The following ZNF646 variants were observed in gnomAD, a reference collection of about 807,000 sequenced individuals.
ZNF646 encodes zinc finger protein 646.
In ZNF646, 49 loss-of-function variants were observed where a neutral mutation model predicts 115.4. That is an observed-to-expected ratio of 0.42 (90% confidence interval 0.34 to 0.54). The LOEUF (loss-of-function observed/expected upper bound fraction) is 0.54, where lower values mean the gene tolerates loss of function less well. Ranked by LOEUF, ZNF646 falls within the 20% of genes least tolerant of loss-of-function variation. The pLI is 0.04. For synonymous variants in ZNF646, 933 were observed against 939.0 expected (o/e 0.99, Z 0.12); for missense variants, 2,269 against 2,457.9 (o/e 0.92, Z 1.62).
rs750674925 is a variant in ZNF646, at chr16:31,077,345, A to G, written c.1021A>G (p.Ser341Gly). ...PTTNGHTDES[S>G]QDQLPSAQML... The stretch of plus-strand genomic sequence containing the variant: ...CACCAATGGGCACACAGATGAGAGC[A>G]GCCAGGACCAGCTCCCCAGTGCACA... Residue 341 changes from serine to glycine, a missense_variant, in exon 2 of 3, where the codon AGC becomes GGC. Ser to Gly is a moderately conservative substitution (Grantham distance 56, BLOSUM62 0). Transcript: ENST00000300850. The G allele has an allele frequency of 1.9e-6, 3 of 1,612,988 alleles. No homozygotes were observed. Among genetic ancestry groups the G allele is most frequent in the Admixed American group, 1.7e-5 (1 of 59,904 alleles).
rs148476207 is a variant in ZNF646, at chr16:31,076,341, C to G, written c.17C>G (p.Pro6Arg). ...CGTTGCCCCATGGAGGACACACCCC[C>G]CTCACTCAGCTGCTCCGACTGTCAG... MEDTP[P>R]SLSCSDCQRH... The change falls in exon 2 of 3, where the codon CCC (proline) becomes CGC (arginine). Residue 6 changes from proline to arginine, a missense_variant. Pro to Arg is a moderately radical substitution (Grantham distance 103, BLOSUM62 -2). Coordinates refer to ENST00000300850, the MANE Select transcript of ZNF646 (RefSeq NM_014699.4). 4.6e-5 allele frequency: 74 copies of G among 1,611,534 alleles called. No individual in the cohort carries two copies. Among genetic ancestry groups the G allele is most frequent in the Non-Finnish European group, 5.9e-5 (69 of 1,178,342 alleles).
chr16:31,078,490 C>T lies in ZNF646; in HGVS notation c.2166C>T (p.Asn722=). 1 of 1,589,400 alleles carries T rather than the reference C, an allele frequency of 6.3e-7. No homozygotes were observed. The highest frequency in any genetic ancestry group is 8.6e-7 in the Non-Finnish European group (1 of 1,165,122). Residue 722 remains asparagine, a synonymous_variant, in exon 2 of 3, where the codon AAC becomes AAT. Coordinates refer to ENST00000300850, the MANE Select transcript of ZNF646 (RefSeq NM_014699.4). ...AAAGTCCTCATGGGGCTGAAGGCAA[C>T]CTGGAAAGTGATGGGGACTGTTTGC... ...SGESPHGAEG[N]LESDGDCLQA...
rs1163513596 is a variant in ZNF646, at chr16:31,080,645, CAG to C, written c.4324_4325del (p.Ser1442ProfsTer33). ...DGVPRPGERSQSPIRAASSEA... is the reference protein window; with the variant it reads ...DGVPRPGERSXSPIRAASSEA... ...AGTCCCAAGGCCAGGGGAGCGCAGT[CAG>C]AGCCCCATCAGGGCAGCAAGCTCAG... On this transcript the variant is annotated frameshift_variant, in exon 2 of 3. Coordinates refer to ENST00000300850, the MANE Select transcript of ZNF646 (RefSeq NM_014699.4). LOFTEE classifies it high-confidence loss of function. The C allele has an allele frequency of 6.2e-7, 1 of 1,614,024 alleles. No homozygotes were observed. The highest frequency in any genetic ancestry group is 8.5e-7 in the Non-Finnish European group (1 of 1,180,020).
rs759956972 is a variant in ZNF646 at position 31,080,198 on chromosome 16, G to A, written c.3874G>A (p.Ala1292Thr). The change falls in exon 2 of 3, where the codon GCG (alanine) becomes ACG (threonine). Residue 1292 changes from alanine to threonine, a missense_variant. Physicochemically the swap from Ala to Thr is moderately conservative, Grantham distance 58 (BLOSUM62 0). This residue lies in a region of ZNF646 where 1,062 missense variants were observed against 1,172.8 expected (regional missense o/e 0.91). Transcript: ENST00000300850. ...ERRGGGGTRK[A>T]TREDRPFRCG... ...GCGTGGGGGTGGGGGCACCCGAAAG[G>A]CGACTCGGGAAGATCGGCCCTTCCG... is the stretch of plus-strand genomic sequence containing the variant. 1 of 1,609,200 alleles carries A rather than the reference G, an allele frequency of 6.2e-7. No individual in the cohort carries two copies. The highest frequency in any genetic ancestry group is 1.3e-5 in the African/African-American group (1 of 74,772).
chr16:31,079,321 C>T lies in ZNF646; in HGVS notation c.2997C>T (p.Ala999=). 1 of 1,612,956 alleles carries T rather than the reference C, an allele frequency of 6.2e-7. No homozygotes were observed. Among genetic ancestry groups the T allele is most frequent in the Non-Finnish European group, 8.5e-7 (1 of 1,179,256 alleles). ...APSPLGVAGD[A]MEMVVDSVLE... ...GCCCCTTGGGAGTGGCAGGTGATGCCATGGAGATGGTCGTGGACAGTGTCT... is the reference window on the plus strand; with the variant it reads ...GCCCCTTGGGAGTGGCAGGTGATGCTATGGAGATGGTCGTGGACAGTGTCT... Residue 999 remains alanine, a synonymous_variant, in exon 2 of 3, where the codon GCC becomes GCT. Coordinates refer to ENST00000300850, the MANE Select transcript of ZNF646 (RefSeq NM_014699.4). This position sits in a 1 kb window ranked among gnomAD's most constrained non-coding sequence, Gnocchi z 5.5.
rs911418716 is a variant in ZNF646, at chr16:31,080,556, C to G, written c.4232C>G (p.Thr1411Ser). 3 of 1,613,990 alleles carry G rather than the reference C, an allele frequency of 1.9e-6. No individual in the cohort carries two copies. Among genetic ancestry groups the G allele is most frequent in the African/African-American group, 2.7e-5 (2 of 74,946 alleles). Reference sequence around the variant, plus strand: ...ACAGCGGCCAGTGAGGCGAACCTGACTGGCAGCCAGGGACTAGAGACCCAA... The same window carrying G: ...ACAGCGGCCAGTGAGGCGAACCTGAGTGGCAGCCAGGGACTAGAGACCCAA... Reference protein sequence around the residue: ...DGTAASEANLTGSQGLETQLG... With the variant: ...DGTAASEANLSGSQGLETQLG... The change falls in exon 2 of 3, where the codon ACT (threonine) becomes AGT (serine). Residue 1411 changes from threonine to serine, a missense_variant. This residue lies in a region of ZNF646 where 1,062 missense variants were observed against 1,172.8 expected (regional missense o/e 0.91). Coordinates refer to ENST00000300850, the MANE Select transcript of ZNF646 (RefSeq NM_014699.4).
chr16:31,079,270 T>C lies in ZNF646; in HGVS notation c.2946T>C (p.Ser982=). The change falls in exon 2 of 3, where the codon TCT becomes TCC. Residue 982 remains serine (S), a synonymous_variant. Coordinates refer to ENST00000300850, the MANE Select transcript of ZNF646 (RefSeq NM_014699.4). This position sits in a 1 kb window ranked among gnomAD's most constrained non-coding sequence, Gnocchi z 5.5. The part of the protein sequence containing the change: ...SLERHHQSQS[S]GTTADKAPSP... ...AGCGTCACCACCAAAGTCAGAGTTC[T>C]GGGACTACTGCAGACAAGGCTCCCA... The C allele has an allele frequency of 6.2e-7, 1 of 1,614,012 alleles. No individual in the cohort carries two copies. Among genetic ancestry groups the C allele is most frequent in the South Asian group, 1.1e-5 (1 of 91,072 alleles).
At chr16:31,082,005 G>A (rs776164927) in intron 2 of ZNF646, 26 of 455,096 alleles carry the variant, frequency 5.7e-5, no homozygotes, top group Non-Finnish European at 9.1e-5. Context: ...TCTGTTCAGG[G>A]GAAGGTCACT....
Position 31,080,371 on chromosome 16 carries a change from A to G in ZNF646, c.4047A>G (p.Ser1349=). 6.2e-7 allele frequency: 1 copy of G among 1,613,440 alleles called. No homozygotes were observed. Among genetic ancestry groups the G allele is most frequent in the Non-Finnish European group, 8.5e-7 (1 of 1,179,870 alleles). The part of the protein sequence containing the change: ...MALKDHQRLH[S]ENRRRRAGRS... Reference sequence around the variant, plus strand: ...TGAAGGACCACCAGAGGCTGCACTCAGAGAATCGGCGGCGACGGGCTGGAC... The same window carrying G: ...TGAAGGACCACCAGAGGCTGCACTCGGAGAATCGGCGGCGACGGGCTGGAC... The change falls in exon 2 of 3, where the codon TCA becomes TCG. Residue 1349 remains serine (S), a synonymous_variant. Transcript: ENST00000300850.
Position 31,081,446 on chromosome 16 carries a change from C to G in ZNF646, c.5122C>G (p.Leu1708Val). Reference sequence around the variant, plus strand: ...CACCACAGGGTTGTACCCGTGCTCCCTCTGTCCCAAACTTCTCCCTAACCT... The same window carrying G: ...CACCACAGGGTTGTACCCGTGCTCCGTCTGTCCCAAACTTCTCCCTAACCT... ...AHTTGLYPCS[L>V]CPKLLPNLLS... The change falls in exon 2 of 3, where the codon CTC (leucine) becomes GTC (valine). Residue 1708 changes from leucine to valine, a missense_variant. Around this residue, in one of 5 missense-constraint regions of ZNF646, gnomAD observed 1,062 missense variants for 1,172.8 expected, o/e 0.91. Transcript: ENST00000300850. 6.2e-7 allele frequency: 1 copy of G among 1,614,220 alleles called. No individual in the cohort carries two copies. The highest frequency in any genetic ancestry group is 8.5e-7 in the Non-Finnish European group (1 of 1,180,020).
rs757730963 is a variant in ZNF646, at chr16:31,078,931, C to T, written c.2607C>T (p.Asn869=). ...SLPALRSHFQ[N]HRPGEATSAQ... ...CTGCCCTCCGCAGCCACTTCCAGAA[C>T]CATAGGCCTGGGGAGGCGACCTCAG... Residue 869 remains asparagine (N), a synonymous_variant, in exon 2 of 3, where the codon AAC becomes AAT. Coordinates refer to ENST00000300850, the MANE Select transcript of ZNF646 (RefSeq NM_014699.4). 1.3e-5 allele frequency: 21 copies of T among 1,613,352 alleles called. No individual in the cohort carries two copies. In the African/African-American group the frequency reaches 1.7e-4, roughly 13 times the overall value.
Position 31,077,799 on chromosome 16 carries a change from A to T in ZNF646, c.1475A>T (p.Tyr492Phe), listed in dbSNP as rs1194378422. The change falls in exon 2 of 3, where the codon TAC (tyrosine) becomes TTC (phenylalanine). Residue 492 changes from tyrosine to phenylalanine, a missense_variant. Physicochemically the swap from Tyr to Phe is conservative, Grantham distance 22. This residue lies in a region of ZNF646 where 852 missense variants were observed against 900.2 expected (regional missense o/e 0.95). Coordinates refer to ENST00000300850, the MANE Select transcript of ZNF646 (RefSeq NM_014699.4). Reference sequence around the variant, plus strand: ...CGCCACAGCCATCGGACTGGAGAGTACCAGTGCTCACTCTGTCCCCGCAAG... The same window carrying T: ...CGCCACAGCCATCGGACTGGAGAGTTCCAGTGCTCACTCTGTCCCCGCAAG... ...NHRHSHRTGE[Y>F]QCSLCPRKYP... The T allele has an allele frequency of 6.2e-7, 1 of 1,613,926 alleles. No individual in the cohort carries two copies. Among genetic ancestry groups the T allele is most frequent in the South Asian group, 1.1e-5 (1 of 91,086 alleles).
At position 31,076,239 on chromosome 16, in the gene ZNF646, T is replaced by C; in HGVS notation, c.-79-7T>C. Reference sequence around the variant, plus strand: ...CCTTCCTTTTGACCACTGCCCCCTCTTCCTAGGCCTTGGCCCCTCCACCAG... The same window carrying C: ...CCTTCCTTTTGACCACTGCCCCCTCCTCCTAGGCCTTGGCCCCTCCACCAG... On this transcript the variant is annotated splice_polypyrimidine_tract_variant and splice_region_variant and intron_variant, in intron 1 of 2. Coordinates refer to ENST00000300850, the MANE Select transcript of ZNF646 (RefSeq NM_014699.4). 1 of 1,496,728 alleles carries C rather than the reference T, an allele frequency of 6.7e-7. No individual in the cohort carries two copies. The highest frequency in any genetic ancestry group is 2.3e-5 in the East Asian group (1 of 42,810). The allele number at this position is 1,496,728 out of a possible 1,614,324, so 92.7% of individuals were successfully genotyped here. A position where few individuals can be genotyped will look rare whatever the true frequency, so the allele number is the denominator to read the frequency against.
At position 31,076,091 on chromosome 16, in the gene ZNF646, T is replaced by C. The variant is rs1352268173; in HGVS notation, c.-79-155T>C. 100 of 491,118 alleles carry C rather than the reference T, an allele frequency of 2.0e-4. No homozygotes were observed. In the East Asian group the frequency reaches 3.3e-3, roughly 16 times the overall value. The allele number at this position is 491,118 out of a possible 1,614,324, so 30.4% of individuals were successfully genotyped here. On this transcript the variant is annotated intron_variant, in intron 1 of 2. Transcript: ENST00000300850. ...AGCTTGTGCACAGGGAAGCCTTAAA[T>C]GATGGTGCCTGCAGATTGGATCTAG...
chr16:31,082,572 G>T, intron 2 of ZNF646: 1 of 240,362 alleles, frequency 4.2e-6, no homozygotes. Flanking sequence ...GGAAGCCGCA[G>T]CTGCCAGGGA....
In ZNF646 at chr16:31,076,628, C is replaced by G. The variant is rs149216659; in HGVS notation, c.304C>G (p.Arg102Gly). ...SHMRTHAPEG[R>G]RRHRPPRPKE... Reference sequence around the variant, plus strand: ...TATGAGGACACATGCTCCTGAGGGCCGCCGCAGGCACAGGCCCCCACGCCC... The same window carrying G: ...TATGAGGACACATGCTCCTGAGGGCGGCCGCAGGCACAGGCCCCCACGCCC... Residue 102 changes from arginine (R) to glycine (G), a missense_variant, in exon 2 of 3, where the codon CGC becomes GGC. Physicochemically the swap from Arg to Gly is moderately radical, Grantham distance 125. Transcript: ENST00000300850. 6.2e-7 allele frequency: 1 copy of G among 1,612,958 alleles called. No individual in the cohort carries two copies. The highest frequency in any genetic ancestry group is 2.2e-5 in the East Asian group (1 of 44,868).
rs770579035 is a variant in ZNF646 at position 31,084,153 on chromosome 16, G to C, written c.*1061G>C. ...CCAGGCAGCTTCCAGGCTCAGCCTC[G>C]GGCTCTGGTTCCTCGGCGAAGTAGA... On this transcript the variant is annotated 3_prime_UTR_variant, in exon 3 of 3. Coordinates refer to ENST00000300850, the MANE Select transcript of ZNF646 (RefSeq NM_014699.4). 5 of 1,595,420 alleles carry C rather than the reference G, an allele frequency of 3.1e-6. No homozygotes were observed. The highest frequency in any genetic ancestry group is 3.4e-6 in the Non-Finnish European group (4 of 1,171,962).
At position 31,079,953 on chromosome 16, in the gene ZNF646, G is replaced by C. The variant is rs751000569; in HGVS notation, c.3629G>C (p.Arg1210Pro). The change falls in exon 2 of 3, where the codon CGA becomes CCA. Residue 1210 changes from arginine (R) to proline (P), a missense_variant. Physicochemically the swap from Arg to Pro is moderately radical, Grantham distance 103. Around this residue, in one of 5 missense-constraint regions of ZNF646, gnomAD observed 1,062 missense variants for 1,172.8 expected, o/e 0.91. Transcript: ENST00000300850. The surrounding 1 kb of genome is among the most constrained non-coding windows in gnomAD (Gnocchi z 5.5). The stretch of plus-strand genomic sequence containing the variant: ...CCCTTCAGCTGCGAGGTGTGTGGCC[G>C]ATCCTACAAGCACGCCGGCAGCCTC... ...ERPFSCEVCG[R>P]SYKHAGSLIN... 3 of 1,610,764 alleles carry C rather than the reference G, an allele frequency of 1.9e-6. No homozygotes were observed. The highest frequency in any genetic ancestry group is 2.7e-5 in the African/African-American group (2 of 74,836).
At chr16:31,074,271 C>G (rs995651984), upstream of ZNF646, 1 of 152,266 alleles carries the variant, frequency 6.6e-6, no homozygotes, top group Non-Finnish European at 1.5e-5. Flanking sequence ...CGCGTTGTGA[C>G]CTACGTGGGC....
Sources: gnomAD v4.1 joint callset for allele counts on GRCh38, gnomAD v4.1.1 for gene constraint, gnomAD v4.1.1 regional missense constraint, Gnocchi (gnomAD v3.1) non-coding constraint, MANE v1.5 for transcripts, NCBI Gene and HGNC (gene_info 2026-07-23, HGNC 2026-07-21) for gene names.